Variants in LONP1 observed in about 807,000 individuals in gnomAD.
LONP1 encodes lon protease homolog, mitochondrial.
LONP1 carries 31 observed loss-of-function variants against 98.5 expected under a neutral mutation model. That is an observed-to-expected ratio of 0.31 (90% CI 0.24 to 0.42). LONP1 has a LOEUF of 0.42. Among genes scored for constraint, LONP1 ranks in the 20% least tolerant of loss-of-function variants. LONP1 has a pLI of 1.00. For synonymous variants in LONP1, 781 were observed against 594.7 expected, an observed-to-expected ratio of 1.31 and a Z score of -4.56; for missense variants, 1,336 against 1,350.6, an observed-to-expected ratio of 0.99 and a Z score of 0.17.
chr19:5,692,309 C>G (rs1033430603), intron 17 of LONP1, 101 bp from the exon 18 acceptor site: 2 of 1,174,598 alleles, frequency 1.7e-6, no homozygotes, highest in African/African-American at 1.5e-5. Flanking sequence ...CGGCGATACA[C>G]AGTGATGCCG....
intron 1 of LONP1, among the ~76,000 whole-genome samples, chr19:5,719,355 G>A (rs767612414): frequency 1.3e-5 from 2 of 152,212 alleles, no homozygotes; most frequent in Non-Finnish European, 2.9e-5. Flanking sequence ...CTGGGGCGAG[G>A]AGGTATTACA....
chr19:5,715,862 C>T (rs1599481814), intron 1 of LONP1, among the ~76,000 whole-genome samples: 1 of 151,678 alleles, frequency 6.6e-6, no homozygotes, highest in East Asian at 2.0e-4. Context: ...TCGCCATGAG[C>T]CACCATGCCT....
At chr19:5,697,724 C>T (rs1015491373) in intron 10 of LONP1, among the ~76,000 whole-genome samples, 4 of 151,290 alleles carry the variant, frequency 2.6e-5, no homozygotes, top group African/African-American at 4.9e-5. Flanking sequence ...TTAATAACAA[C>T]GATCCATCGC....
In LONP1 at chr19:5,711,861, C is replaced by T. The variant is rs1314955427; in HGVS notation, c.780G>A (p.Met260Ile). ...LSARHPAELA[M>I]EPTPELPAEV... is the part of the protein sequence containing the mutation. ...CAGCCGGGAGCTCAGGGGTGGGCTC[C>T]ATCGCCAGCTCCGCCGGGTGCCTGG... Residue 260 changes from methionine to isoleucine, a missense_variant, in exon 4 of 18, where the codon ATG becomes ATA. Physicochemically the swap from Met to Ile is conservative, Grantham distance 10. Coordinates refer to ENST00000360614, the MANE Select transcript of LONP1 (RefSeq NM_004793.4). The T allele has an allele frequency of 6.2e-7, 1 of 1,612,876 alleles. No homozygotes were observed. Among genetic ancestry groups the T allele is most frequent in the Non-Finnish European group, 8.5e-7 (1 of 1,180,002 alleles).
intron 6 of LONP1, 63 bp from the exon 7 acceptor site, chr19:5,707,206 G>C: frequency 7.2e-7 from 1 of 1,391,322 alleles, no homozygotes. Context: ...GTAGGGCCGA[G>C]GTTGGGGGAA....
At chr19:5,716,024 C>T (rs1295662894) in intron 1 of LONP1, among the ~76,000 whole-genome samples, 1 of 151,520 alleles carries the variant, frequency 6.6e-6, no homozygotes, top group Non-Finnish European at 1.5e-5. Context: ...AAGGAGCTCA[C>T]CTGATTTCTT....
At chr19:5,709,907 CAAAAAA>C (rs755774542) in intron 4 of LONP1, among the ~76,000 whole-genome samples, 2 of 38,680 alleles carry the variant, frequency 5.2e-5, no homozygotes, top group African/African-American at 1.2e-4. Flanking sequence ...GGCTCCATCT[CAAAAAA>C]AAAAAAAAAA....
chr19:5,697,887 G>C (rs932533408), intron 10 of LONP1, among the ~76,000 whole-genome samples: 3 of 151,902 alleles, frequency 2.0e-5, no homozygotes, highest in South Asian at 2.1e-4. Context: ...TCTCTCCTCC[G>C]GCCCGCACCT....
chr19:5,711,752 G>C lies in LONP1; in HGVS notation c.870+19C>G. 6.3e-7 allele frequency: 1 copy of C among 1,592,636 alleles called. No individual in the cohort carries two copies. Among genetic ancestry groups the C allele is most frequent in the Non-Finnish European group, 8.6e-7 (1 of 1,165,454 alleles). On this transcript the variant is annotated intron_variant, in intron 4 of 17. Transcript: ENST00000360614. The stretch of plus-strand genomic sequence containing the variant: ...TGGGGGAGGCAGCTGTGGCCGCCCT[G>C]CGTGACGCACGGACTCACTTTCACC...
intron 4 of LONP1, among the ~76,000 whole-genome samples, chr19:5,709,868 C>T (rs1400419270): frequency 3.0e-5 from 4 of 134,202 alleles, no homozygotes; most frequent in Non-Finnish European, 4.6e-5. Context: ...GCCGAGATCA[C>T]GCCACTGCAC....
chr19:5,694,933 A>G lies in LONP1; in HGVS notation c.2014-32T>C, dbSNP rs763945473. The stretch of plus-strand genomic sequence containing the variant: ...GGGCAACCGTCAGGGTTGGGTCTGG[A>G]GGGACCTTGCCCACCAGCTCAGTCT... On this transcript the variant is annotated intron_variant, in intron 13 of 17. Coordinates refer to ENST00000360614, the MANE Select transcript of LONP1 (RefSeq NM_004793.4). The G allele has an allele frequency of 2.5e-6, 4 of 1,580,258 alleles. No homozygotes were observed. In the East Asian group the frequency reaches 9.1e-5, roughly 36 times the overall value.
chr19:5,706,308 A>T (rs1378840712), intron 7 of LONP1, among the ~76,000 whole-genome samples: 3 of 152,048 alleles, frequency 2.0e-5, no homozygotes, highest in Non-Finnish European at 4.4e-5. Flanking sequence ...TCTAATTTTA[A>T]AATTTTTTGT....
intron 7 of LONP1, 98 bp from the exon 8 acceptor site, chr19:5,706,090 CAGAG>C (rs551130477): frequency 5.3e-5 from 41 of 780,884 alleles, no homozygotes; most frequent in African/African-American, 1.2e-4. Context: ...CCCCAGGACT[CAGAG>C]AGAAAAGAAA....
chr19:5,698,940 C>A, intron 10 of LONP1, 87 bp downstream of exon 10: 1 of 1,376,442 alleles, frequency 7.3e-7, no homozygotes, highest in South Asian at 1.4e-5. Context: ...GATTGCTCTA[C>A]CAGATGTTAA....
At chr19:5,711,624 G>A in intron 4 of LONP1, 147 bp downstream of exon 4, 4 of 649,088 alleles carry the variant, frequency 6.2e-6, no homozygotes, top group Non-Finnish European at 1.1e-5. Flanking sequence ...CACCCTCTAT[G>A]TTCCATTAGA....
intron 8 of LONP1, among the ~76,000 whole-genome samples, chr19:5,704,611 G>A (rs2055113964): frequency 6.6e-6 from 1 of 152,198 alleles, no homozygotes; most frequent in Non-Finnish European, 1.5e-5. Context: ...TGAAAACAGA[G>A]CATGCTGCAT....
At chr19:5,707,893 C>T (rs752661668) in intron 5 of LONP1, 67 bp from the exon 6 acceptor site, 70 of 1,577,508 alleles carry the variant, frequency 4.4e-5, no homozygotes, top group African/African-American at 5.4e-5. Context: ...AGCCCCCAAA[C>T]GGGGACCCGG....
At position 5,696,157 on chromosome 19, in the gene LONP1, C is replaced by T. The variant is rs1234421150; in HGVS notation, c.1910G>A (p.Cys637Tyr). Residue 637 changes from cysteine to tyrosine, a missense_variant, in exon 13 of 18, where the codon TGC (cysteine) becomes TAC (tyrosine). Cys to Tyr is a radical substitution (Grantham distance 194). This residue lies in a region of LONP1 where 555 missense variants were observed against 542.6 expected (regional missense o/e 1.02). Coordinates refer to ENST00000360614, the MANE Select transcript of LONP1 (RefSeq NM_004793.4). ...GATGGTGTCCGTGACGTTGGCCGTGCAGATGAACAGCACCTGGGGGCGGCG... is the reference window on the plus strand; with the variant it reads ...GATGGTGTCCGTGACGTTGGCCGTGTAGATGAACAGCACCTGGGGGCGGCG... ...PVDLSKVLFI[C>Y]TANVTDTIPE... The T allele has an allele frequency of 5.0e-6, 8 of 1,612,922 alleles. No homozygotes were observed. The highest frequency in any genetic ancestry group is 6.8e-6 in the Non-Finnish European group (8 of 1,179,886).
At chr19:5,699,688 G>A (rs554268230) in intron 9 of LONP1, among the ~76,000 whole-genome samples, 1 of 151,484 alleles carries the variant, frequency 6.6e-6, no homozygotes, top group Admixed American at 6.6e-5. Context: ...CTCCTGAGTA[G>A]CTGGGATTAC....
Sources: allele counts gnomAD v4.1 joint callset (sites outside exome capture counted in the v4.1 genomes callset), GRCh38; gene constraint gnomAD v4.1.1; regional missense constraint gnomAD v4.1.1; transcripts MANE v1.5; gene names NCBI Gene and HGNC (gene_info 2026-07-23, HGNC 2026-07-21).